LRRIQ3: variants seen among roughly 807,000 people sequenced by gnomAD.
The protein encoded by LRRIQ3 is leucine rich repeats and IQ motif containing 3, also known as leucine-rich repeat and IQ domain-containing protein 3.
A neutral mutation model predicts 59.3 loss-of-function variants in LRRIQ3; 75 were observed. That is an observed-to-expected ratio of 1.26 (90% CI 1.05 to 1.53). The LOEUF is 1.53. Ranked by LOEUF, LRRIQ3 falls within the 40% of genes most tolerant of loss-of-function variation. The pLI, the probability that LRRIQ3 is intolerant of heterozygous loss-of-function variation, is 0.00. For synonymous variants in LRRIQ3, 250 were observed against 231.3 expected (o/e 1.08, Z -0.73); for missense variants, 831 against 710.0 (o/e 1.17, Z -1.94).
chr1:74,139,056 G>A (rs1647179205), intron 4 of LRRIQ3, among the ~76,000 whole-genome samples: 1 of 144,346 alleles, frequency 6.9e-6, no homozygotes. Flanking sequence ...GTATTTATGT[G>A]TATATATATA....
At chr1:74,097,859 A>G (rs1189318514) in intron 5 of LRRIQ3, among the ~76,000 whole-genome samples, 1 of 152,188 alleles carries the variant, frequency 6.6e-6, no homozygotes, top group Non-Finnish European at 1.5e-5. Flanking sequence ...AAAAGTTGAG[A>G]GATTTTGTCA....
rs1377259048 is a variant in LRRIQ3, at chr1:74,087,297, A to G, written c.868-12507T>C. On this transcript the variant is annotated intron_variant, in intron 5 of 7. Coordinates refer to ENST00000354431, the MANE Select transcript of LRRIQ3 (RefSeq NM_001105659.2). The stretch of plus-strand genomic sequence containing the variant: ...TAACACATTTGCCAAGCTAATTCTC[A>G]CTTCCACAGTTTTGATCATATAGTT... Among the ~76,000 whole-genome samples the G allele has an allele frequency of 4.0e-5, 6 of 150,300 alleles. No homozygotes were observed. The East Asian group carries it at 1.2e-3, about 30-fold the overall frequency.
chr1:74,068,982 T>C (rs1654944774), intron 6 of LRRIQ3, among the ~76,000 whole-genome samples: 1 of 152,040 alleles, frequency 6.6e-6, no homozygotes, highest in African/African-American at 2.4e-5. Flanking sequence ...AGTATTCGTT[T>C]CAGATATAAG....
intron 4 of LRRIQ3, among the ~76,000 whole-genome samples, chr1:74,153,772 T>C (rs1047799337): frequency 6.6e-6 from 1 of 150,636 alleles, no homozygotes; most frequent in Non-Finnish European, 1.5e-5. Flanking sequence ...TCCCAAACAT[T>C]TGTCCTAAAC....
intron 3 of LRRIQ3, among the ~76,000 whole-genome samples, chr1:74,178,796 G>A (rs1207646795): frequency 6.6e-6 from 1 of 152,122 alleles, no homozygotes; most frequent in Non-Finnish European, 1.5e-5. Context: ...TAAGACATTT[G>A]CAGGAGCTAT....
At chr1:74,162,292 A>T (rs1289209934) in intron 3 of LRRIQ3, among the ~76,000 whole-genome samples, 1 of 151,864 alleles carries the variant, frequency 6.6e-6, no homozygotes, top group Non-Finnish European at 1.5e-5. Flanking sequence ...AATATAATGT[A>T]AAATTATGAA....
intron 3 of LRRIQ3, among the ~76,000 whole-genome samples, chr1:74,170,870 G>A (rs1188105015): frequency 6.6e-6 from 1 of 151,924 alleles, no homozygotes; most frequent in Admixed American, 6.6e-5. Flanking sequence ...ATAGTTTTCA[G>A]TGTACAAGTT....
At position 74,046,063 on chromosome 1, in the gene LRRIQ3, G is replaced by A. The variant is rs371049559; in HGVS notation, c.998-4130C>T. ...CAATTTATAGATTTAATGCTATTCC[G>A]ATCAGGCTACCATTGACTTTCTTCA... On this transcript the variant is annotated intron_variant, in intron 6 of 7. Transcript: ENST00000354431. Among the ~76,000 whole-genome samples, 19 of 152,146 alleles carry A rather than the reference G, an allele frequency of 1.2e-4. No homozygotes were observed. In the East Asian group the frequency reaches 2.5e-3, roughly 20 times the overall value.
At chr1:74,071,057 A>T (rs1239923194) in intron 6 of LRRIQ3, among the ~76,000 whole-genome samples, 1 of 150,710 alleles carries the variant, frequency 6.6e-6, no homozygotes, top group Admixed American at 6.6e-5. Context: ...ATACACACAC[A>T]TTATATATAT....
At chr1:74,069,773 G>T (rs1654968681) in intron 6 of LRRIQ3, among the ~76,000 whole-genome samples, 1 of 151,986 alleles carries the variant, frequency 6.6e-6, no homozygotes, top group Admixed American at 6.6e-5. Context: ...AATTTCCACT[G>T]AAAATTGTAA....
At chr1:74,159,437 G>A (rs561169815) in intron 3 of LRRIQ3, among the ~76,000 whole-genome samples, 34 of 152,060 alleles carry the variant, frequency 2.2e-4, no homozygotes, top group African/African-American at 8.0e-4. Context: ...AATCATTATC[G>A]TTGGCCTCCA....
chr1:74,098,787 C>A (rs1160150948), intron 5 of LRRIQ3, among the ~76,000 whole-genome samples: 2 of 152,172 alleles, frequency 1.3e-5, no homozygotes, highest in Non-Finnish European at 1.5e-5. Flanking sequence ...AATTGAACAA[C>A]CTGCTCCTGA....
chr1:74,161,642 G>C (rs939071984), intron 3 of LRRIQ3, among the ~76,000 whole-genome samples: 2 of 151,842 alleles, frequency 1.3e-5, no homozygotes, highest in South Asian at 2.1e-4. Context: ...GTCAGAAGCA[G>C]TTCTCATCAG....
intron 5 of LRRIQ3, chr1:74,082,815 A>C (rs1646287727): frequency 6.6e-6 from 1 of 151,766 alleles, no homozygotes; most frequent in South Asian, 2.1e-4. Context: ...TACTTTATAA[A>C]CACATATTGA....
At chr1:74,034,336 T>C (rs1164138100) in intron 7 of LRRIQ3, among the ~76,000 whole-genome samples, 3 of 152,026 alleles carry the variant, frequency 2.0e-5, no homozygotes, top group Non-Finnish European at 4.4e-5. Context: ...TACTGGAACA[T>C]ACTACTCGCA....
chr1:74,110,593 T>A (rs1241383246), intron 4 of LRRIQ3, among the ~76,000 whole-genome samples: 1 of 152,002 alleles, frequency 6.6e-6, no homozygotes, highest in African/African-American at 2.4e-5. Context: ...GATAAAATAA[T>A]CGTTTGAAGT....
intron 4 of LRRIQ3, among the ~76,000 whole-genome samples, chr1:74,125,374 TAGG>T (rs1402850522): frequency 2.0e-5 from 3 of 151,960 alleles, no homozygotes; most frequent in African/African-American, 7.2e-5. Context: ...TTGCTCTAGC[TAGG>T]ACTTCAAGTA....
chr1:74,111,642 A>G (rs1016257829), intron 4 of LRRIQ3, among the ~76,000 whole-genome samples: 9 of 152,072 alleles, frequency 5.9e-5, no homozygotes, highest in African/African-American at 2.2e-4. Context: ...ATCTCTGGAA[A>G]TTGTCCAAAG....
At chr1:74,061,959 G>A (rs1455213536) in intron 6 of LRRIQ3, among the ~76,000 whole-genome samples, 2 of 152,112 alleles carry the variant, frequency 1.3e-5, no homozygotes, top group African/African-American at 4.8e-5. Context: ...CCTTGAGCCT[G>A]GGAGGCTGAA....
Sources: allele counts gnomAD v4.1 joint callset (sites outside exome capture counted in the v4.1 genomes callset), GRCh38; gene constraint gnomAD v4.1.1; transcripts MANE v1.5; gene names NCBI Gene and HGNC (gene_info 2026-07-23, HGNC 2026-07-21).